SLC7A14: variants seen among roughly 807,000 people sequenced by gnomAD.
The protein encoded by SLC7A14 is solute carrier family 7 member 14, also known as gamma-aminobutyric acid transporter SLC7A14.
Under a neutral mutation model 60.2 loss-of-function variants are expected in SLC7A14, and 37 were observed. The ratio of observed to expected loss-of-function variants is 0.61; its 90% CI spans 0.47 to 0.81. SLC7A14 has a LOEUF of 0.81. SLC7A14 is among the 30% of genes least tolerant of loss of function. SLC7A14 has a pLI of 0.00. For synonymous variants in SLC7A14, 399 were observed against 395.8 expected, an observed-to-expected ratio of 1.01 and a Z score of -0.10; for missense variants, 886 against 982.7, an observed-to-expected ratio of 0.90 and a Z score of 1.32.
At chr3:170,549,610 A>G (rs1714283396) in intron 1 of SLC7A14, among the ~76,000 whole-genome samples, 1 of 152,196 alleles carries the variant, frequency 6.6e-6, no homozygotes, top group Non-Finnish European at 1.5e-5. Context: ...AAATATCGCC[A>G]GTGTGACACT....
At chr3:170,480,066 T>C (rs1026310508) in intron 7 of SLC7A14, among the ~76,000 whole-genome samples, 15 of 152,224 alleles carry the variant, frequency 9.9e-5, no homozygotes, top group Non-Finnish European at 5.9e-5. Flanking sequence ...AGTAAAGCGA[T>C]GGATTAATCA....
intron 1 of SLC7A14, among the ~76,000 whole-genome samples, chr3:170,544,401 A>T (rs1420338772): frequency 6.6e-6 from 1 of 152,178 alleles, no homozygotes; most frequent in Admixed American, 6.5e-5. Context: ...AAACTGAGAG[A>T]TTAAAAGGCT....
intron 1 of SLC7A14, among the ~76,000 whole-genome samples, chr3:170,559,081 CAA>C (rs1714567582): frequency 6.6e-6 from 1 of 152,144 alleles, no homozygotes; most frequent in African/African-American, 2.4e-5. Context: ...CAGGGCTTTC[CAA>C]ACTTTTTCCC....
At chr3:170,528,758 C>T (rs1713586279) in intron 1 of SLC7A14, among the ~76,000 whole-genome samples, 1 of 152,190 alleles carries the variant, frequency 6.6e-6, no homozygotes, top group Non-Finnish European at 1.5e-5. Context: ...TGCATTCCTC[C>T]CTTCCACGTC....
chr3:170,510,186 T>G (rs1443020509), intron 2 of SLC7A14, among the ~76,000 whole-genome samples: 1 of 151,648 alleles, frequency 6.6e-6, no homozygotes, highest in Admixed American at 6.6e-5. Context: ...GGTCAGGAGT[T>G]CGAGATCAGC....
chr3:170,573,470 T>G (rs1221740133), intron 1 of SLC7A14, among the ~76,000 whole-genome samples: 1 of 152,242 alleles, frequency 6.6e-6, no homozygotes, highest in Non-Finnish European at 1.5e-5. Flanking sequence ...ATTTTGCTGA[T>G]CTATCTTCAT....
At chr3:170,529,162 A>T (rs1713600175) in intron 1 of SLC7A14, among the ~76,000 whole-genome samples, 1 of 152,272 alleles carries the variant, frequency 6.6e-6, no homozygotes, top group African/African-American at 2.4e-5. Context: ...ACAAAGAACC[A>T]CATGAGTAAA....
intron 1 of SLC7A14, among the ~76,000 whole-genome samples, chr3:170,547,689 G>A (rs998821525): frequency 1.3e-5 from 2 of 152,140 alleles, no homozygotes; most frequent in African/African-American, 2.4e-5. Context: ...TGGAAGAGGT[G>A]AAGGAGGTGG....
intron 1 of SLC7A14, among the ~76,000 whole-genome samples, chr3:170,578,614 CA>C (rs1359818449): frequency 1.3e-5 from 2 of 152,162 alleles, no homozygotes; most frequent in East Asian, 3.8e-4. Flanking sequence ...CTTATAAAGT[CA>C]TAGTAATTGT....
At chr3:170,569,550 C>T (rs1368045226) in intron 1 of SLC7A14, among the ~76,000 whole-genome samples, 1 of 152,132 alleles carries the variant, frequency 6.6e-6, no homozygotes, top group East Asian at 1.9e-4. Context: ...AGGATTCCCT[C>T]TTTTTCTATT....
intron 2 of SLC7A14, among the ~76,000 whole-genome samples, chr3:170,505,569 G>A (rs1712752319): frequency 6.6e-6 from 1 of 152,262 alleles, no homozygotes; most frequent in African/African-American, 2.4e-5. Context: ...GGGTGTACTA[G>A]GGTAGAGAAT....
chr3:170,513,361 G>A (rs1245194458), intron 2 of SLC7A14, among the ~76,000 whole-genome samples: 2 of 152,144 alleles, frequency 1.3e-5, no homozygotes, highest in Non-Finnish European at 2.9e-5. Context: ...TTTTTCTTTA[G>A]AAGTCAAAGA....
At chr3:170,513,247 C>T (rs954358840) in intron 2 of SLC7A14, among the ~76,000 whole-genome samples, 10 of 151,722 alleles carry the variant, frequency 6.6e-5, no homozygotes, top group African/African-American at 2.4e-4. Context: ...TAGTATTTTG[C>T]CACATAAGCA....
rs1739848757 is a variant in SLC7A14 at position 170,470,213 on chromosome 3, TC to T, written c.1994-2837del. ...CTAGTCCTTCACACCTCCTCTCCCC[TC>T]CCCCAGGCTGGTTTACAGACTATGC... On this transcript the variant is annotated intron_variant, in intron 7 of 7. Coordinates refer to ENST00000231706, the MANE Select transcript of SLC7A14 (RefSeq NM_020949.3). 3.3e-5 allele frequency among the ~76,000 whole-genome samples: 5 copies of T among 151,900 alleles called. No homozygotes were observed. The South Asian group carries it at 1.0e-3, about 32-fold the overall frequency.
rs963034702 is a variant in SLC7A14, at chr3:170,521,373, T to C, written c.304+5260A>G. ...TGTGCTGTCCAAATAGTTTCCATTATGTTGGTGCAAAAGTAATTAGAATTA... is the reference window on the plus strand; with the variant it reads ...TGTGCTGTCCAAATAGTTTCCATTACGTTGGTGCAAAAGTAATTAGAATTA... On this transcript the variant is annotated intron_variant, in intron 2 of 7. Transcript: ENST00000231706. Among the ~76,000 whole-genome samples the C allele has an allele frequency of 3.3e-5, 5 of 152,254 alleles. No homozygotes were observed. The East Asian group carries it at 5.8e-4, about 18-fold the overall frequency.
intron 2 of SLC7A14, among the ~76,000 whole-genome samples, chr3:170,516,213 T>C (rs945998083): frequency 6.6e-6 from 1 of 152,198 alleles, no homozygotes; most frequent in African/African-American, 2.4e-5. Context: ...GATCCCTATA[T>C]AGAAGAGCTA....
intron 4 of SLC7A14, among the ~76,000 whole-genome samples, chr3:170,488,827 C>T (rs1231683507): frequency 6.6e-6 from 1 of 152,002 alleles, no homozygotes. Context: ...GCACAGGCAA[C>T]CCAATAAAAA....
At chr3:170,471,090 G>GGTGTGTGTGTGTGTGTGTGTGTGTGT (rs113891859) in intron 7 of SLC7A14, among the ~76,000 whole-genome samples, 52 of 146,446 alleles carry the variant, frequency 3.6e-4, no homozygotes, top group African/African-American at 1.2e-3. Flanking sequence ...TCTGGGAAGG[G>GGTGTGTGTGTGTGTGTGTGTGTGTGT]GTGTGTGTGT....
chr3:170,577,455 A>G (rs942421144), intron 1 of SLC7A14, among the ~76,000 whole-genome samples: 5 of 151,604 alleles, frequency 3.3e-5, no homozygotes, highest in Admixed American at 2.0e-4. Flanking sequence ...CGTCTCTACT[A>G]AAAATACAAA....
Sources: allele counts gnomAD v4.1 joint callset (sites outside exome capture counted in the v4.1 genomes callset), GRCh38; gene constraint gnomAD v4.1.1; transcripts MANE v1.5; gene names NCBI Gene and HGNC (gene_info 2026-07-23, HGNC 2026-07-21).